Variants in CUX2 observed in about 807,000 individuals in gnomAD.
CUX2 encodes the protein homeobox protein cut-like 2.
A neutral mutation model predicts 144.8 loss-of-function variants in CUX2; 40 were observed. That is an observed-to-expected ratio of 0.28 (90% CI 0.21 to 0.36). The LOEUF is 0.36. Among genes scored for constraint, CUX2 ranks in the 10% least tolerant of loss-of-function variants. CUX2 has a pLI of 1.00. For missense variants in CUX2, 1,615 were observed against 1,994.0 expected (o/e 0.81, Z 3.62); for synonymous variants, 827 against 875.6 (o/e 0.94, Z 0.98).
At chr12:111,252,524 C>A (rs1883608823) in intron 3 of CUX2, among the ~76,000 whole-genome samples, 2 of 152,172 alleles carry the variant, frequency 1.3e-5, no homozygotes, top group African/African-American at 2.4e-5. Flanking sequence ...ACAGAGCAGT[C>A]AGGACCTCAG....
intron 1 of CUX2, among the ~76,000 whole-genome samples, chr12:111,051,732 GTTA>G (rs1290715450): frequency 6.6e-6 from 1 of 151,940 alleles, no homozygotes; most frequent in Non-Finnish European, 1.5e-5. Flanking sequence ...CATATTTAAT[GTTA>G]TTATTGCTAT....
Position 111,310,878 on chromosome 12 carries a change from C to T in CUX2, c.1900+196C>T, listed in dbSNP as rs1466120170. 2.0e-5 allele frequency among the ~76,000 whole-genome samples: 3 copies of T among 152,268 alleles called. No homozygotes were observed. Among genetic ancestry groups the T allele is most frequent in the Non-Finnish European group, 1.5e-5 (1 of 68,050 alleles). On this transcript the variant is annotated intron_variant, in intron 15 of 21. Coordinates refer to ENST00000261726, the MANE Select transcript of CUX2 (RefSeq NM_015267.4). The surrounding 1 kb of genome is among the most constrained non-coding windows in gnomAD (Gnocchi z 7.9). ...AAAGCAGGAAATACATCCTCGCTCTCTCCTTCCTGGCCCTGGCCAGAGACA... is the reference window on the plus strand; with the variant it reads ...AAAGCAGGAAATACATCCTCGCTCTTTCCTTCCTGGCCCTGGCCAGAGACA...
At chr12:111,183,809 C>T (rs917941332) in intron 1 of CUX2, among the ~76,000 whole-genome samples, 2 of 152,050 alleles carry the variant, frequency 1.3e-5, no homozygotes, top group African/African-American at 2.4e-5. Flanking sequence ...TTGGGGAGTC[C>T]CACCACCCCC....
intron 3 of CUX2, 42 bp downstream of exon 3, chr12:111,217,979 A>G (rs761440308): frequency 1.6e-5 from 26 of 1,610,244 alleles, no homozygotes; most frequent in African/African-American, 6.7e-5. Flanking sequence ...AGTGCCCCCA[A>G]TGGCTCCCCC....
intron 1 of CUX2, among the ~76,000 whole-genome samples, chr12:111,117,711 C>T (rs1222538361): frequency 1.3e-5 from 2 of 152,150 alleles, no homozygotes; most frequent in Non-Finnish European, 2.9e-5. Flanking sequence ...GCACTTTTAA[C>T]CCCACAACAA....
At chr12:111,111,485 A>G (rs1461984600) in intron 1 of CUX2, among the ~76,000 whole-genome samples, 1 of 152,206 alleles carries the variant, frequency 6.6e-6, no homozygotes, top group Non-Finnish European at 1.5e-5. Context: ...GCCCACATTC[A>G]GTTGGAGTCC....
chr12:111,078,941 T>C (rs1449046191), intron 1 of CUX2, among the ~76,000 whole-genome samples: 3 of 152,016 alleles, frequency 2.0e-5, no homozygotes, highest in African/African-American at 7.2e-5. Flanking sequence ...ACACCTGGGG[T>C]CCCAGCCTAG....
At chr12:111,114,759 TC>T (rs1489243293) in intron 1 of CUX2, among the ~76,000 whole-genome samples, 1 of 152,244 alleles carries the variant, frequency 6.6e-6, no homozygotes, top group Non-Finnish European at 1.5e-5. Flanking sequence ...AAAGATATTC[TC>T]CTATGTTTCT....
At chr12:111,218,211 C>T (rs575529212) in intron 3 of CUX2, among the ~76,000 whole-genome samples, 67 of 152,304 alleles carry the variant, frequency 4.4e-4, no homozygotes, top group Non-Finnish European at 6.9e-4. Flanking sequence ...GGCTCTGCTA[C>T]ATGTGAGATC....
At chr12:111,088,006 A>G (rs898130092) in intron 1 of CUX2, among the ~76,000 whole-genome samples, 1 of 152,214 alleles carries the variant, frequency 6.6e-6, no homozygotes, top group Non-Finnish European at 1.5e-5. Flanking sequence ...TGATGTGGAT[A>G]CAGCTTGAAG....
intron 3 of CUX2, among the ~76,000 whole-genome samples, chr12:111,228,585 G>A (rs1403281591): frequency 6.6e-6 from 1 of 151,980 alleles, no homozygotes; most frequent in East Asian, 1.9e-4. Flanking sequence ...CACCATGCCT[G>A]GTTAATTTTT....
intron 1 of CUX2, among the ~76,000 whole-genome samples, chr12:111,180,333 T>C (rs1362871118): frequency 6.6e-6 from 1 of 152,260 alleles, no homozygotes; most frequent in East Asian, 1.9e-4. Context: ...AGCAGATCCC[T>C]CTACAGGGAG....
At chr12:111,248,675 C>T (rs1379941088) in intron 3 of CUX2, among the ~76,000 whole-genome samples, 2 of 152,150 alleles carry the variant, frequency 1.3e-5, no homozygotes, top group Admixed American at 6.5e-5. Flanking sequence ...CGCTAATGCT[C>T]ATGGGGCCTG....
chr12:111,146,510 G>A (rs751827360), intron 1 of CUX2, among the ~76,000 whole-genome samples: 2 of 152,184 alleles, frequency 1.3e-5, no homozygotes, highest in Non-Finnish European at 2.9e-5. Context: ...CAGGAAATGA[G>A]AACAGATGAC....
chr12:111,102,852 G>A (rs192607353), intron 1 of CUX2, among the ~76,000 whole-genome samples: 8 of 152,124 alleles, frequency 5.3e-5, no homozygotes, highest in African/African-American at 9.6e-5. Context: ...GGCAGTTTGC[G>A]TAGTAAGTGA....
chr12:111,173,937 C>A (rs573453502), intron 1 of CUX2, among the ~76,000 whole-genome samples: 1 of 152,106 alleles, frequency 6.6e-6, no homozygotes, highest in African/African-American at 2.4e-5. Flanking sequence ...ATTCAGGTAG[C>A]GGAAACTGCA....
chr12:111,187,850 C>T (rs1055140003), intron 1 of CUX2, among the ~76,000 whole-genome samples: 1 of 152,218 alleles, frequency 6.6e-6, no homozygotes, highest in Non-Finnish European at 1.5e-5. Flanking sequence ...GAGAATGGGC[C>T]TGGAGTGCTG....
At chr12:111,148,073 C>T (rs1384995517) in intron 1 of CUX2, among the ~76,000 whole-genome samples, 1 of 152,188 alleles carries the variant, frequency 6.6e-6, no homozygotes, top group Non-Finnish European at 1.5e-5. Context: ...AAAGCAGGGA[C>T]TCAGCCATGC....
At chr12:111,123,906 G>T (rs921491036) in intron 1 of CUX2, among the ~76,000 whole-genome samples, 19 of 152,178 alleles carry the variant, frequency 1.2e-4, no homozygotes, top group Admixed American at 2.0e-4. Flanking sequence ...AAGGAAACAG[G>T]CTCAGAGGGG....
Sources: allele counts gnomAD v4.1 joint callset (sites outside exome capture counted in the v4.1 genomes callset), GRCh38; gene constraint gnomAD v4.1.1; non-coding constraint Gnocchi (gnomAD v3.1); transcripts MANE v1.5; gene names NCBI Gene and HGNC (gene_info 2026-07-23, HGNC 2026-07-21).